OSBPL1A: variants seen among roughly 807,000 people sequenced by gnomAD.
OSBPL1A encodes the protein oxysterol binding protein like 1A.
A neutral mutation model predicts 137.1 loss-of-function variants in OSBPL1A; 80 were observed. The ratio of observed to expected loss-of-function variants is 0.58; its 90% CI spans 0.49 to 0.70. OSBPL1A has a LOEUF of 0.70. Among genes scored for constraint, OSBPL1A ranks in the 30% least tolerant of loss-of-function variants. The pLI is 0.00. For synonymous variants in OSBPL1A, 365 were observed against 389.7 expected (o/e 0.94, Z 0.75); for missense variants, 970 against 1,129.4 (o/e 0.86, Z 2.02).
At chr18:24,386,568 C>A (rs1364373687) in intron 1 of OSBPL1A, among the ~76,000 whole-genome samples, 2 of 152,196 alleles carry the variant, frequency 1.3e-5, no homozygotes, top group Non-Finnish European at 2.9e-5. Context: ...ATTTTCACTG[C>A]TTTTCCCTTA....
chr18:24,385,619 T>C (rs186392463), intron 1 of OSBPL1A, among the ~76,000 whole-genome samples: 4 of 151,938 alleles, frequency 2.6e-5, no homozygotes, highest in African/African-American at 9.7e-5. Flanking sequence ...TTTCAGGGAA[T>C]GGGATGGGTA....
chr18:24,249,249 C>T (rs1022413266), intron 15 of OSBPL1A, among the ~76,000 whole-genome samples: 4 of 152,186 alleles, frequency 2.6e-5, no homozygotes, highest in East Asian at 1.9e-4. Flanking sequence ...GTACTATGCA[C>T]GTCCATGTGT....
At chr18:24,245,264 T>C (rs980654977) in intron 15 of OSBPL1A, among the ~76,000 whole-genome samples, 1 of 151,844 alleles carries the variant, frequency 6.6e-6, no homozygotes, top group Non-Finnish European at 1.5e-5. Context: ...CCTAGCTAAT[T>C]TTTTTTTCGG....
At chr18:24,343,929 A>G (rs1850909379) in intron 4 of OSBPL1A, among the ~76,000 whole-genome samples, 1 of 152,172 alleles carries the variant, frequency 6.6e-6, no homozygotes, top group Admixed American at 6.5e-5. Context: ...ATATGACACC[A>G]AAAGCACAGG....
Position 24,315,719 on chromosome 18 carries a change from TATGTA to T in OSBPL1A, c.871-1377_871-1373del, listed in dbSNP as rs199649134. The stretch of plus-strand genomic sequence containing the variant: ...ATACTATATAATAAAATATATAATA[TATGTA>T]ATATATTATATAATAAAATATATAA... On this transcript the variant is annotated intron_variant, in intron 11 of 27. Transcript: ENST00000319481. Among the ~76,000 whole-genome samples, 2 of 121,392 alleles carry T rather than the reference TATGTA, an allele frequency of 1.6e-5. 1 individual carries two copies. Among genetic ancestry groups the T allele is most frequent in the Admixed American group, 2.1e-4 (2 of 9,398 alleles). 79.6% of individuals were successfully genotyped at this position (121,392 alleles called of 152,430 possible). A position where few individuals can be genotyped will look rare whatever the true frequency, so the allele number is the denominator to read the frequency against.
At chr18:24,368,250 T>G (rs1310685863) in intron 3 of OSBPL1A, 37 bp downstream of exon 3, 1 of 1,484,056 alleles carries the variant, frequency 6.7e-7, no homozygotes, top group Admixed American at 1.8e-5. Flanking sequence ...ACAATAATAT[T>G]TACTGTAGTC....
intron 5 of OSBPL1A, among the ~76,000 whole-genome samples, chr18:24,340,624 C>T (rs1365566705): frequency 6.6e-6 from 1 of 152,104 alleles, no homozygotes; most frequent in Non-Finnish European, 1.5e-5. Flanking sequence ...GACCAACATG[C>T]TGAAACCCCG....
chr18:24,254,091 T>C (rs1356937091), intron 15 of OSBPL1A, among the ~76,000 whole-genome samples: 1 of 152,114 alleles, frequency 6.6e-6, no homozygotes, highest in African/African-American at 2.4e-5. Flanking sequence ...CAAGATGGAG[T>C]TGGTTAGGTC....
Position 24,271,578 on chromosome 18 carries a change from A to C in OSBPL1A, c.1281+9264T>G. 2 of 987,090 alleles carry C rather than the reference A, an allele frequency of 2.0e-6. No individual in the cohort carries two copies. Among genetic ancestry groups the C allele is most frequent in the Admixed American group, 6.1e-5 (1 of 16,308 alleles). 61.1% of individuals were successfully genotyped at this position (987,090 alleles called of 1,614,324 possible). A position where few individuals can be genotyped will look rare whatever the true frequency, so the allele number is the denominator to read the frequency against. On this transcript the variant is annotated intron_variant, in intron 15 of 27. Coordinates refer to ENST00000319481, the MANE Select transcript of OSBPL1A (RefSeq NM_080597.4). The surrounding 1 kb of genome is among the most constrained non-coding windows in gnomAD (Gnocchi z 4.0). ...GTCCCCCGGCGTCCTCCGTGGCCCCAGGCTGCCCCGCAAAGCCACCGAGCT... is the reference window on the plus strand; with the variant it reads ...GTCCCCCGGCGTCCTCCGTGGCCCCCGGCTGCCCCGCAAAGCCACCGAGCT...
intron 7 of OSBPL1A, among the ~76,000 whole-genome samples, chr18:24,328,440 G>A (rs1236147595): frequency 2.0e-5 from 3 of 151,696 alleles, no homozygotes; most frequent in Non-Finnish European, 4.4e-5. Context: ...CACCTCTGTC[G>A]AAAATTAAAT....
intron 15 of OSBPL1A, among the ~76,000 whole-genome samples, chr18:24,261,384 AAC>A (rs2089442590): frequency 6.6e-6 from 1 of 152,234 alleles, no homozygotes; most frequent in Admixed American, 6.5e-5. Flanking sequence ...CTCATTCAAT[AAC>A]AGTTTAAATA....
chr18:24,267,507 A>G (rs2089607803), intron 15 of OSBPL1A, among the ~76,000 whole-genome samples: 1 of 152,180 alleles, frequency 6.6e-6, no homozygotes, highest in South Asian at 2.1e-4. Context: ...TTACTTATAA[A>G]CATACATACT....
In OSBPL1A at chr18:24,209,291, A is replaced by G. The variant is rs751383013; in HGVS notation, c.1602-13091T>C. On this transcript the variant is annotated intron_variant, in intron 17 of 27. Coordinates refer to ENST00000319481, the MANE Select transcript of OSBPL1A (RefSeq NM_080597.4). ...GGCAAAACTCCCAGACACGTCACAA[A>G]AACAATGGCTAAGGAAAACATGCAA... Among the ~76,000 whole-genome samples, 7 of 152,254 alleles carry G rather than the reference A, an allele frequency of 4.6e-5. 1 individual carries two copies. Among genetic ancestry groups the G allele is most frequent in the Admixed American group, 6.5e-5 (1 of 15,288 alleles).
intron 11 of OSBPL1A, among the ~76,000 whole-genome samples, chr18:24,315,619 ATAAT>A (rs1393887391): frequency 3.9e-5 from 4 of 103,186 alleles, no homozygotes; most frequent in East Asian, 2.0e-4. Flanking sequence ...TAATCATAAT[ATAAT>A]TAATTATATA....
At chr18:24,235,028 A>G (rs1002837871) in intron 16 of OSBPL1A, among the ~76,000 whole-genome samples, 1 of 152,178 alleles carries the variant, frequency 6.6e-6, no homozygotes, top group African/African-American at 2.4e-5. Context: ...GTGAAGAGGC[A>G]GTAGGGTCTG....
intron 18 of OSBPL1A, among the ~76,000 whole-genome samples, chr18:24,184,444 C>T (rs939009408): frequency 6.6e-6 from 1 of 152,144 alleles, no homozygotes; most frequent in Non-Finnish European, 1.5e-5. Context: ...ACCTGGAATG[C>T]CCTGCTCTCT....
At chr18:24,164,934 C>G in intron 27 of OSBPL1A, 131 bp downstream of exon 27, 1 of 862,988 alleles carries the variant, frequency 1.2e-6, no homozygotes, top group Non-Finnish European at 1.8e-6. Context: ...TTTTTCAGGC[C>G]TGGGACAACT....
At position 24,280,880 on chromosome 18, in the gene OSBPL1A, A is replaced by G; in HGVS notation, c.1243T>C (p.Leu415=). The G allele has an allele frequency of 6.2e-7, 1 of 1,609,336 alleles. No homozygotes were observed. Among genetic ancestry groups the G allele is most frequent in the East Asian group, 2.2e-5 (1 of 44,688 alleles). ...SEASRETCVA[L]TDCLNLFTKQ... ...GTGAAGAGATTAAGGCAATCAGTCA[A>G]AGCTACACAAGTTTCTCTAGAAGCT... Residue 415 remains leucine (L), a synonymous_variant, in exon 15 of 28, where the codon TTG becomes CTG. Coordinates refer to ENST00000319481, the MANE Select transcript of OSBPL1A (RefSeq NM_080597.4).
intron 16 of OSBPL1A, among the ~76,000 whole-genome samples, chr18:24,231,535 C>T (rs1158813540): frequency 6.6e-6 from 1 of 152,140 alleles, no homozygotes; most frequent in African/African-American, 2.4e-5. Context: ...AGTGATCCAC[C>T]CACTTTGGCC....
Sources: allele counts gnomAD v4.1 joint callset (sites outside exome capture counted in the v4.1 genomes callset), GRCh38; gene constraint gnomAD v4.1.1; non-coding constraint Gnocchi (gnomAD v3.1); transcripts MANE v1.5; gene names NCBI Gene and HGNC (gene_info 2026-07-23, HGNC 2026-07-21).